The following RPA1 variants were observed in gnomAD, a reference collection of about 807,000 sequenced individuals.
RPA1 encodes replication protein A 70 kDa DNA-binding subunit.
In RPA1, 49 loss-of-function variants were observed where a neutral mutation model predicts 83.0. The ratio of observed to expected loss-of-function variants is 0.59; its 90% CI spans 0.47 to 0.75. The LOEUF is 0.75. Ranked by LOEUF, RPA1 falls within the 30% of genes least tolerant of loss-of-function variation. The pLI is 0.00. For missense variants in RPA1, 693 were observed against 776.1 expected, an observed-to-expected ratio of 0.89 and a Z score of 1.27; for synonymous variants, 279 against 281.8, an observed-to-expected ratio of 0.99 and a Z score of 0.10.
chr17:1,842,118 A>G (rs1199386657), intron 1 of RPA1, among the ~76,000 whole-genome samples: 2 of 152,016 alleles, frequency 1.3e-5, no homozygotes, highest in Non-Finnish European at 2.9e-5. Context: ...CGGCCTCCCA[A>G]AGTGCTAGGA....
rs1914519994 is a variant in RPA1, at chr17:1,898,254, T to G, written c.*1079T>G. ...TGCATCTTTCAAAGCATGAAAACAC[T>G]AAAAACAAAAAGCCATTTTGCCTGA... is the stretch of plus-strand genomic sequence containing the variant. On this transcript the variant is annotated 3_prime_UTR_variant, in exon 17 of 17. Coordinates refer to ENST00000254719, the MANE Select transcript of RPA1 (RefSeq NM_002945.5). 6.6e-6 allele frequency: 1 copy of G among 152,168 alleles called. No individual in the cohort carries two copies. Among genetic ancestry groups the G allele is most frequent in the African/African-American group, 2.4e-5 (1 of 41,442 alleles). The allele number at this position is 152,168 out of a possible 1,614,324, so 9.4% of individuals were successfully genotyped here. A position where few individuals can be genotyped will look rare whatever the true frequency, so the allele number is the denominator to read the frequency against.
intron 16 of RPA1, among the ~76,000 whole-genome samples, chr17:1,896,590 G>A (rs1026766476): frequency 2.0e-5 from 3 of 152,202 alleles, no homozygotes; most frequent in African/African-American, 7.2e-5. Context: ...GGAAGGTGAA[G>A]TGAAGAGAGG....
At chr17:1,869,308 G>A (rs927228155) in intron 5 of RPA1, among the ~76,000 whole-genome samples, 10 of 152,162 alleles carry the variant, frequency 6.6e-5, no homozygotes, top group Non-Finnish European at 1.5e-4. Flanking sequence ...AGATTGAGGT[G>A]GGCGGGTCAC....
At chr17:1,896,579 G>A (rs993593978) in intron 16 of RPA1, among the ~76,000 whole-genome samples, 13 of 152,194 alleles carry the variant, frequency 8.5e-5, no homozygotes, top group Admixed American at 6.5e-4. Flanking sequence ...TGTCTGGACA[G>A]GGAAGGTGAA....
intron 5 of RPA1, among the ~76,000 whole-genome samples, chr17:1,861,016 T>C (rs1301376817): frequency 6.6e-6 from 1 of 152,178 alleles, no homozygotes; most frequent in Non-Finnish European, 1.5e-5. Flanking sequence ...ATATGAATTT[T>C]TCCCATCTGA....
chr17:1,879,142 T>C, intron 9 of RPA1, 73 bp from the exon 10 acceptor site: 1 of 1,609,404 alleles, frequency 6.2e-7, no homozygotes, highest in Non-Finnish European at 8.5e-7. Context: ...GGGAGGGGTG[T>C]GTGGTGGCAG....
At chr17:1,856,344 C>T (rs977261407) in intron 5 of RPA1, among the ~76,000 whole-genome samples, 1 of 434 alleles carries the variant, frequency 2.3e-3, no homozygotes, top group Non-Finnish European at 3.5e-3. Flanking sequence ...CGCCCATAAT[C>T]CCAAAACTTT....
chr17:1,897,139 G>A lies in RPA1; in HGVS notation c.1815G>A (p.Arg605=), dbSNP rs1914469967. Residue 605 remains arginine, a synonymous_variant, in exon 17 of 17, where the codon AGG becomes AGA. Coordinates refer to ENST00000254719, the MANE Select transcript of RPA1 (RefSeq NM_002945.5). ...KPVDYREYGR[R]LVMSIRRSAL... ...TGGACTACAGAGAGTATGGCCGAAG[G>A]CTGGTCATGAGCATCAGGAGAAGTG... 6.4e-7 allele frequency: 1 copy of A among 1,565,116 alleles called. No homozygotes were observed. The highest frequency in any genetic ancestry group is 8.7e-7 in the Non-Finnish European group (1 of 1,154,612).
At chr17:1,845,176 G>C (rs889347161) in intron 4 of RPA1, among the ~76,000 whole-genome samples, 14 of 151,804 alleles carry the variant, frequency 9.2e-5, no homozygotes, top group African/African-American at 2.2e-4. Flanking sequence ...GTGTGTGTGT[G>C]TGTGTGTGTG....
At chr17:1,838,498 G>A (rs113284054) in intron 1 of RPA1, among the ~76,000 whole-genome samples, 14 of 151,580 alleles carry the variant, frequency 9.2e-5, no homozygotes, top group Admixed American at 7.2e-4. Flanking sequence ...AGCTACTCAG[G>A]AGGCTGAGTC....
chr17:1,852,012 T>G (rs915492278), intron 4 of RPA1, among the ~76,000 whole-genome samples: 1 of 152,242 alleles, frequency 6.6e-6, no homozygotes, highest in African/African-American at 2.4e-5. Flanking sequence ...AATATTGCCC[T>G]AGGCCTGTTT....
chr17:1,852,227 ACAGTCTAGTAGGAGC>A (rs1912521852), intron 4 of RPA1, among the ~76,000 whole-genome samples: 1 of 152,194 alleles, frequency 6.6e-6, no homozygotes, highest in Non-Finnish European at 1.5e-5. Context: ...TATTGACAGT[ACAGTCTAGTAGGAGC>A]GAGAGAGAAT....
At chr17:1,833,419 A>G (rs1456535643) in intron 1 of RPA1, among the ~76,000 whole-genome samples, 1 of 152,250 alleles carries the variant, frequency 6.6e-6, no homozygotes, top group African/African-American at 2.4e-5. Context: ...GGGGAAAAAC[A>G]GGAACAGGAA....
chr17:1,863,520 CTTT>C, intron 5 of RPA1, among the ~76,000 whole-genome samples: 1 of 152,026 alleles, frequency 6.6e-6, no homozygotes, highest in Non-Finnish European at 1.5e-5. Flanking sequence ...GCCCCAACTA[CTTT>C]TTATATTTTT....
chr17:1,889,176 C>T (rs17292329), intron 14 of RPA1, among the ~76,000 whole-genome samples: 9,344 of 152,174 alleles, frequency 0.061, 980 homozygotes, highest in African/African-American at 0.21. Context: ...TATTTAGTCA[C>T]TTTCATGTGG....
intron 5 of RPA1, among the ~76,000 whole-genome samples, chr17:1,862,253 T>C (rs1287430240): frequency 6.9e-6 from 1 of 144,298 alleles, no homozygotes; most frequent in Non-Finnish European, 1.5e-5. Context: ...CAGGCTGGTC[T>C]TGAACTCCTG....
intron 1 of RPA1, 31 bp from the exon 2 acceptor site, chr17:1,842,772 A>C: frequency 6.3e-7 from 1 of 1,593,342 alleles, no homozygotes; most frequent in South Asian, 1.1e-5. Context: ...TTGAGTGCGT[A>C]TCTCACACAA....
At chr17:1,857,528 C>T (rs1912753333) in intron 5 of RPA1, among the ~76,000 whole-genome samples, 1 of 151,638 alleles carries the variant, frequency 6.6e-6, no homozygotes, top group African/African-American at 2.4e-5. Context: ...TCCCCTCCAC[C>T]CCCACCTCTC....
chr17:1,883,858 C>A lies in RPA1; in HGVS notation c.1288C>A (p.Leu430Ile). Residue 430 changes from leucine to isoleucine, a missense_variant, in exon 13 of 17, where the codon CTA becomes ATA. Coordinates refer to ENST00000254719, the MANE Select transcript of RPA1 (RefSeq NM_002945.5). Reference sequence around the variant, plus strand: ...CTTAGATGGTGTTTCCATCTCTGATCTAAAGAGCGGCGGAGTCGGAGGGAG... The same window carrying A: ...CTTAGATGGTGTTTCCATCTCTGATATAAAGAGCGGCGGAGTCGGAGGGAG... Reference protein sequence around the residue: ...QALDGVSISDLKSGGVGGSNT... With the variant: ...QALDGVSISDIKSGGVGGSNT... The A allele has an allele frequency of 1.9e-6, 3 of 1,614,176 alleles. No homozygotes were observed. The highest frequency in any genetic ancestry group is 2.5e-6 in the Non-Finnish European group (3 of 1,180,018).
Sources: allele counts gnomAD v4.1 joint callset (sites outside exome capture counted in the v4.1 genomes callset), GRCh38; gene constraint gnomAD v4.1.1; transcripts MANE v1.5; gene names NCBI Gene and HGNC (gene_info 2026-07-23, HGNC 2026-07-21).